ZNF526: variants seen among roughly 807,000 people sequenced by gnomAD.
The protein encoded by ZNF526 is zinc finger protein 526.
Under a neutral mutation model 32.4 loss-of-function variants are expected in ZNF526, and 16 were observed. That is an observed-to-expected ratio of 0.49 (90% confidence interval 0.33 to 0.75). ZNF526 has a LOEUF of 0.75. Ranked by LOEUF, ZNF526 falls within the 30% of genes least tolerant of loss-of-function variation. The pLI is 0.02. For synonymous variants in ZNF526, 355 were observed against 363.4 expected, an observed-to-expected ratio of 0.98 and a Z score of 0.26; for missense variants, 838 against 920.7, an observed-to-expected ratio of 0.91 and a Z score of 1.16.
At position 42,225,406 on chromosome 19, in the gene ZNF526, A is replaced by T. The variant is rs2036166100; in HGVS notation, c.1003A>T (p.Thr335Ser). The T allele has an allele frequency of 1.2e-6, 2 of 1,613,932 alleles. No individual in the cohort carries two copies. The highest frequency in any genetic ancestry group is 2.7e-5 in the African/African-American group (2 of 74,940). ...RAHVGGTHEC[T>S]TCSKVFKKAA... Reference sequence around the variant, plus strand: ...CCATGTTGGTGGCACACATGAGTGTACAACCTGCTCCAAGGTCTTCAAGAA... The same window carrying T: ...CCATGTTGGTGGCACACATGAGTGTTCAACCTGCTCCAAGGTCTTCAAGAA... The change falls in exon 3 of 3, where the codon ACA (threonine) becomes TCA (serine). Residue 335 changes from threonine to serine, a missense_variant. Thr to Ser is a moderately conservative substitution (Grantham distance 58). Coordinates refer to ENST00000301215, the MANE Select transcript of ZNF526 (RefSeq NM_133444.3).
intron 1 of ZNF526, 159 bp downstream of exon 1, chr19:42,220,546 C>T (rs372200859): frequency 6.6e-6 from 1 of 152,250 alleles, no homozygotes; most frequent in Admixed American, 6.5e-5. Context: ...CCTGTGTGCC[C>T]TGGGGCTCCT....
At position 42,226,451 on chromosome 19, in the gene ZNF526, G is replaced by A. The variant is rs756646602; in HGVS notation, c.*35G>A. ...AAAGCAACAACAAAAGGGTTTGGTT[G>A]CAACAGCCAGTGTGGGTACCTCTGG... On this transcript the variant is annotated 3_prime_UTR_variant, in exon 3 of 3. Coordinates refer to ENST00000301215, the MANE Select transcript of ZNF526 (RefSeq NM_133444.3). 61 of 1,613,708 alleles carry A rather than the reference G, an allele frequency of 3.8e-5. No homozygotes were observed. The highest frequency in any genetic ancestry group is 2.7e-4 in the Admixed American group (16 of 60,014).
intron 1 of ZNF526, 34 bp from the exon 2 acceptor site, chr19:42,224,181 A>T: frequency 3.7e-6 from 2 of 539,840 alleles, no homozygotes; most frequent in Non-Finnish European, 6.6e-6. Flanking sequence ...AAAAAAAAAA[A>T]GAGGCTGGGC....
At chr19:42,222,336 C>T (rs998304682) in intron 1 of ZNF526, among the ~76,000 whole-genome samples, 3 of 152,050 alleles carry the variant, frequency 2.0e-5, no homozygotes, top group Non-Finnish European at 4.4e-5. Flanking sequence ...GATCGCCTGC[C>T]TTGGCCCCTA....
rs745732326 is a variant in ZNF526, at chr19:42,225,623, G to A, written c.1220G>A (p.Arg407His). 4 of 1,611,702 alleles carry A rather than the reference G, an allele frequency of 2.5e-6. No individual in the cohort carries two copies. Among genetic ancestry groups the A allele is most frequent in the African/African-American group, 2.7e-5 (2 of 74,866 alleles). The change falls in exon 3 of 3, where the codon CGC (arginine) becomes CAC (histidine). Residue 407 changes from arginine (R) to histidine (H), a missense_variant. Transcript: ENST00000301215. ...ATGACCAAGTTCCTCTACCACCGGCGCACTCACGCCGGCAAAAGCGGGGCA... is the reference window on the plus strand; with the variant it reads ...ATGACCAAGTTCCTCTACCACCGGCACACTCACGCCGGCAAAAGCGGGGCA... ...SNMTKFLYHR[R>H]THAGKSGAPP...
In ZNF526 at chr19:42,225,564, G is replaced by A; in HGVS notation, c.1161G>A (p.Leu387=). The part of the protein sequence containing the change: ...AHRRAHTANP[L]HRCRCGKTFS... ...GGCGGGCCCACACTGCCAACCCATTGCATCGCTGTCGTTGCGGCAAGACGT... is the reference window on the plus strand; with the variant it reads ...GGCGGGCCCACACTGCCAACCCATTACATCGCTGTCGTTGCGGCAAGACGT... The change falls in exon 3 of 3, where the codon TTG becomes TTA. Residue 387 remains leucine, a synonymous_variant. Coordinates refer to ENST00000301215, the MANE Select transcript of ZNF526 (RefSeq NM_133444.3). The A allele has an allele frequency of 6.2e-7, 1 of 1,609,430 alleles. No individual in the cohort carries two copies. Among genetic ancestry groups the A allele is most frequent in the South Asian group, 1.1e-5 (1 of 90,940 alleles).
Position 42,226,814 on chromosome 19 carries a change from G to GCCTTC in ZNF526, c.*402_*406dup, listed in dbSNP as rs1568463355. 2 of 318,752 alleles carry GCCTTC rather than the reference G, an allele frequency of 6.3e-6. No individual in the cohort carries two copies. The highest frequency in any genetic ancestry group is 1.3e-5 in the Non-Finnish European group (2 of 156,910). 19.7% of individuals were successfully genotyped at this position (318,752 alleles called of 1,614,324 possible). ...TCCTCTGCTTGTACCCCCAGCCCTT[G>GCCTTC]CCTTCCCTGGATTTTGGGCACCCAG... On this transcript the variant is annotated 3_prime_UTR_variant, in exon 3 of 3. Coordinates refer to ENST00000301215, the MANE Select transcript of ZNF526 (RefSeq NM_133444.3).
Position 42,224,398 on chromosome 19 carries a change from C to A in ZNF526, c.-6C>A, listed in dbSNP as rs754767860. ...CCCTCTTTCTCCAGGCACTGCCTTC[C>A]CCACAATGGCAGAGGTGGTGGCTGA... On this transcript the variant is annotated 5_prime_UTR_variant, in exon 3 of 3. Coordinates refer to ENST00000301215, the MANE Select transcript of ZNF526 (RefSeq NM_133444.3). 2 of 1,613,802 alleles carry A rather than the reference C, an allele frequency of 1.2e-6. No homozygotes were observed. Among genetic ancestry groups the A allele is most frequent in the African/African-American group, 2.7e-5 (2 of 74,904 alleles).
rs2036169962 is a variant in ZNF526, at chr19:42,225,673, C to T, written c.1270C>T (p.Pro424Ser). Residue 424 changes from proline (P) to serine (S), a missense_variant, in exon 3 of 3, where the codon CCA (proline) becomes TCA (serine). Physicochemically the swap from Pro to Ser is moderately conservative, Grantham distance 74 (BLOSUM62 -1). Transcript: ENST00000301215. ...ACCTCCCACAGGAGCAACAGCTCCC[C>T]CAGCTCCAGCGGAGCCCACCCCTCC... The part of the protein sequence containing the change: ...GAPPTGATAP[P>S]APAEPTPPPP... The T allele has an allele frequency of 1.2e-6, 2 of 1,613,044 alleles. No individual in the cohort carries two copies. The highest frequency in any genetic ancestry group is 1.7e-6 in the Non-Finnish European group (2 of 1,179,640).
chr19:42,221,841 C>T (rs527495145), intron 1 of ZNF526, among the ~76,000 whole-genome samples: 1 of 146,812 alleles, frequency 6.8e-6, no homozygotes, highest in Non-Finnish European at 1.5e-5. Flanking sequence ...AAAAAAAAAA[C>T]CTCTCAAGGT....
chr19:42,223,974 A>AAAATATATATATATATATATATATATAT (rs2036146420), intron 1 of ZNF526, among the ~76,000 whole-genome samples: 1 of 110,624 alleles, frequency 9.0e-6, no homozygotes, highest in Admixed American at 1.0e-4. Context: ...TCTCTACTAA[A>AAAATATATATATATATATATATATATAT]ATATATATAT....
Position 42,224,919 on chromosome 19 carries a change from A to C in ZNF526, c.516A>C (p.Pro172=), listed in dbSNP as rs778723561. 6.2e-7 allele frequency: 1 copy of C among 1,614,126 alleles called. No individual in the cohort carries two copies. The highest frequency in any genetic ancestry group is 8.5e-7 in the Non-Finnish European group (1 of 1,180,016). The change falls in exon 3 of 3, where the codon CCA becomes CCC. Residue 172 remains proline, a synonymous_variant. Transcript: ENST00000301215. ...TTTCTGCTACGGTAGCTGAGCCACCAGTGCCACCTCCTTTGCCTCCCCCAA... is the reference window on the plus strand; with the variant it reads ...TTTCTGCTACGGTAGCTGAGCCACCCGTGCCACCTCCTTTGCCTCCCCCAA... ...QHLSATVAEP[P]VPPPLPPPTP...
In ZNF526 at chr19:42,225,336, G is replaced by C; in HGVS notation, c.933G>C (p.Gln311His). Reference sequence around the variant, plus strand: ...ACCCCTTCCACTGCAGCCAGTGTCAGCGCAGTTTCAGCTCCGCCAACCGGC... The same window carrying C: ...ACCCCTTCCACTGCAGCCAGTGTCACCGCAGTTTCAGCTCCGCCAACCGGC... ...ATHPFHCSQC[Q>H]RSFSSANRLQ... is the part of the protein sequence containing the mutation. Residue 311 changes from glutamine (Q) to histidine (H), a missense_variant, in exon 3 of 3, where the codon CAG becomes CAC. Coordinates refer to ENST00000301215, the MANE Select transcript of ZNF526 (RefSeq NM_133444.3). The C allele has an allele frequency of 6.2e-7, 1 of 1,613,812 alleles. No individual in the cohort carries two copies. Among genetic ancestry groups the C allele is most frequent in the Non-Finnish European group, 8.5e-7 (1 of 1,179,884 alleles).
rs1599805759 is a variant in ZNF526 at position 42,226,339 on chromosome 19, A to C, written c.1936A>C (p.Thr646Pro). 6.2e-7 allele frequency: 1 copy of C among 1,614,152 alleles called. No individual in the cohort carries two copies. Among genetic ancestry groups the C allele is most frequent in the Non-Finnish European group, 8.5e-7 (1 of 1,180,030 alleles). Reference protein sequence around the residue: ...ETSQPLALEDTLQLCQAALGA... With the variant: ...ETSQPLALEDPLQLCQAALGA... Reference sequence around the variant, plus strand: ...ATCCCAGCCACTGGCGCTTGAGGACACCCTGCAGCTGTGCCAGGCTGCACT... The same window carrying C: ...ATCCCAGCCACTGGCGCTTGAGGACCCCCTGCAGCTGTGCCAGGCTGCACT... The change falls in exon 3 of 3, where the codon ACC becomes CCC. Residue 646 changes from threonine to proline, a missense_variant. Physicochemically the swap from Thr to Pro is conservative, Grantham distance 38. Transcript: ENST00000301215.
Position 42,224,804 on chromosome 19 carries a change from C to T in ZNF526, c.401C>T (p.Ser134Phe). ...CACCAGGATGCCCACCTCCGAGAGT[C>T]TGCAAACCAGATCCAATACCAGTGC... is the stretch of plus-strand genomic sequence containing the variant. ...LAHQDAHLRE[S>F]ANQIQYQCWD... is the part of the protein sequence containing the mutation. The change falls in exon 3 of 3, where the codon TCT becomes TTT. Residue 134 changes from serine to phenylalanine, a missense_variant. By Grantham distance (155) the Ser-to-Phe change is radical. Coordinates refer to ENST00000301215, the MANE Select transcript of ZNF526 (RefSeq NM_133444.3). 2 of 1,613,986 alleles carry T rather than the reference C, an allele frequency of 1.2e-6. No individual in the cohort carries two copies. The highest frequency in any genetic ancestry group is 1.7e-6 in the Non-Finnish European group (2 of 1,180,028).
In ZNF526 at chr19:42,225,108, A is replaced by G. The variant is rs754283799; in HGVS notation, c.705A>G (p.Glu235=). Residue 235 remains glutamate, a synonymous_variant, in exon 3 of 3, where the codon GAA becomes GAG. Transcript: ENST00000301215. ...KEERNGLEEE[E]EDDEEDEEDD... ...AGCGCAATGGGTTGGAGGAGGAGGA[A>G]GAGGACGATGAGGAGGATGAAGAAG... 1 of 1,614,138 alleles carries G rather than the reference A, an allele frequency of 6.2e-7. No homozygotes were observed. Among genetic ancestry groups the G allele is most frequent in the Non-Finnish European group, 8.5e-7 (1 of 1,180,012 alleles).
chr19:42,225,691 A>ACCCCCCC lies in ZNF526; in HGVS notation c.1292_1293insCCCCCCC (p.Pro434SerfsTer38). On this transcript the variant is annotated frameshift_variant, in exon 3 of 3. Transcript: ENST00000301215. LOFTEE classifies it high-confidence loss of function. ...AGCTCCCCCAGCTCCAGCGGAGCCC[A>ACCCCCCC]CCCCTCCACCACCACCCCCTGCCCC... The ACCCCCCC allele has an allele frequency of 1.0e-6, 1 of 1,000,080 alleles. No individual in the cohort carries two copies. The highest frequency in any genetic ancestry group is 2.2e-5 in the Admixed American group (1 of 44,952). 62.0% of individuals were successfully genotyped at this position (1,000,080 alleles called of 1,614,324 possible). A position where few individuals can be genotyped will look rare whatever the true frequency, so the allele number is the denominator to read the frequency against.
chr19:42,225,835 G>A lies in ZNF526; in HGVS notation c.1432G>A (p.Gly478Ser). Residue 478 changes from glycine to serine, a missense_variant, in exon 3 of 3, where the codon GGC becomes AGC. Gly to Ser is a moderately conservative substitution (Grantham distance 56). Coordinates refer to ENST00000301215, the MANE Select transcript of ZNF526 (RefSeq NM_133444.3). Reference sequence around the variant, plus strand: ...ACGGCGTCACCGCTGTGGGGTTTGTGGCAAGGGCTTCAAGAAGCTGATCCA... The same window carrying A: ...ACGGCGTCACCGCTGTGGGGTTTGTAGCAAGGGCTTCAAGAAGCTGATCCA... The part of the protein sequence containing the change: ...PERRHRCGVC[G>S]KGFKKLIHVR... 1.2e-6 allele frequency: 2 copies of A among 1,614,098 alleles called. No homozygotes were observed. The highest frequency in any genetic ancestry group is 1.7e-6 in the Non-Finnish European group (2 of 1,180,022).
In ZNF526 at chr19:42,224,408, C is replaced by T. The variant is rs1241262445; in HGVS notation, c.5C>T (p.Ala2Val). 1 of 1,614,132 alleles carries T rather than the reference C, an allele frequency of 6.2e-7. No homozygotes were observed. The highest frequency in any genetic ancestry group is 1.3e-5 in the African/African-American group (1 of 75,024). Residue 2 changes from alanine to valine, a missense_variant, in exon 3 of 3, where the codon GCA (alanine) becomes GTA (valine). Transcript: ENST00000301215. M[A>V]EVVAEVAEMP... Reference sequence around the variant, plus strand: ...CCAGGCACTGCCTTCCCCACAATGGCAGAGGTGGTGGCTGAGGTGGCCGAG... The same window carrying T: ...CCAGGCACTGCCTTCCCCACAATGGTAGAGGTGGTGGCTGAGGTGGCCGAG...
Sources: allele counts gnomAD v4.1 joint callset (sites outside exome capture counted in the v4.1 genomes callset), GRCh38; gene constraint gnomAD v4.1.1; transcripts MANE v1.5; gene names NCBI Gene and HGNC (gene_info 2026-07-23, HGNC 2026-07-21).